Variants in BLVRA observed in about 807,000 individuals in gnomAD.
BLVRA encodes the protein biliverdin reductase A.
In BLVRA, 22 loss-of-function variants were observed where a neutral mutation model predicts 32.8. The ratio of observed to expected loss-of-function variants is 0.67; its 90% CI spans 0.48 to 0.96. BLVRA has a LOEUF of 0.96. BLVRA is among the 40% of genes least tolerant of loss of function. BLVRA has a pLI of 0.00. For missense variants in BLVRA, 323 were observed against 358.1 expected (o/e 0.90, Z 0.79); for synonymous variants, 119 against 141.3 (o/e 0.84, Z 1.12).
intron 2 of BLVRA, among the ~76,000 whole-genome samples, chr7:43,777,765 C>T (rs1199422089): frequency 6.6e-6 from 1 of 152,218 alleles, no homozygotes; most frequent in Non-Finnish European, 1.5e-5. Context: ...TTCTCCCCGT[C>T]ACTTTCAGGT....
At chr7:43,790,136 C>G (rs2095783739) in intron 3 of BLVRA, among the ~76,000 whole-genome samples, 1 of 152,034 alleles carries the variant, frequency 6.6e-6, no homozygotes, top group Non-Finnish European at 1.5e-5. Flanking sequence ...GGGCTGAGGG[C>G]CTTCTGCTTG....
At chr7:43,777,107 CTG>C (rs1167409126) in intron 2 of BLVRA, among the ~76,000 whole-genome samples, 48 of 150,396 alleles carry the variant, frequency 3.2e-4, no homozygotes, top group South Asian at 4.2e-4. Context: ...ATTTGCCAGT[CTG>C]TGTCTTTTAA....
rs192489238 is a variant in BLVRA, at chr7:43,768,298, T to C, written c.-21-2840T>C. The stretch of plus-strand genomic sequence containing the variant: ...AGCCTATGACCCGTTTGACCGTCGT[T>C]GTTGCTTGGGTAGTTCAGGACTGAC... On this transcript the variant is annotated intron_variant, in intron 1 of 7. Coordinates refer to ENST00000265523, the MANE Select transcript of BLVRA (RefSeq NM_000712.4). Among the ~76,000 whole-genome samples the C allele has an allele frequency of 2.4e-4, 37 of 152,272 alleles. 1 individual carries two copies. The South Asian group carries it at 3.9e-3, about 16-fold the overall frequency.
At chr7:43,801,204 C>T (rs2095798304) in intron 6 of BLVRA, among the ~76,000 whole-genome samples, 1 of 152,100 alleles carries the variant, frequency 6.6e-6, no homozygotes, top group Admixed American at 6.6e-5. Context: ...CCTATGTTGC[C>T]CAGCCTCATC....
chr7:43,801,319 T>C (rs1339056464), intron 6 of BLVRA, among the ~76,000 whole-genome samples: 2 of 152,202 alleles, frequency 1.3e-5, no homozygotes, highest in African/African-American at 2.4e-5. Context: ...GATCTGTATT[T>C]GTAGCTGTTT....
At chr7:43,775,451 T>G (rs969775237) in intron 2 of BLVRA, among the ~76,000 whole-genome samples, 8 of 152,388 alleles carry the variant, frequency 5.2e-5, no homozygotes, top group African/African-American at 1.9e-4. Flanking sequence ...GTTATTGATT[T>G]GCATATGTTG....
intron 5 of BLVRA, among the ~76,000 whole-genome samples, chr7:43,795,288 G>A (rs1030111340): frequency 6.6e-6 from 1 of 152,050 alleles, no homozygotes; most frequent in African/African-American, 2.4e-5. Context: ...GGCTGAGGCG[G>A]GCGAATCACC....
chr7:43,775,753 G>A (rs1489132939), intron 2 of BLVRA, among the ~76,000 whole-genome samples: 1 of 152,204 alleles, frequency 6.6e-6, no homozygotes, highest in Non-Finnish European at 1.5e-5. Flanking sequence ...GAATTTGGCT[G>A]TGAATCCATC....
chr7:43,782,994 G>A (rs984912757), intron 2 of BLVRA, among the ~76,000 whole-genome samples: 4 of 152,026 alleles, frequency 2.6e-5, no homozygotes, highest in African/African-American at 7.2e-5. Context: ...CAGGGCAGGG[G>A]CAGGGGCAGC....
At chr7:43,782,165 A>C (rs776683305) in intron 2 of BLVRA, among the ~76,000 whole-genome samples, 3 of 152,164 alleles carry the variant, frequency 2.0e-5, no homozygotes, top group Non-Finnish European at 4.4e-5. Context: ...ACTAATTATC[A>C]GTTGACTAAA....
chr7:43,765,383 C>T (rs953201130), intron 1 of BLVRA, among the ~76,000 whole-genome samples: 2 of 152,044 alleles, frequency 1.3e-5, no homozygotes, highest in African/African-American at 4.8e-5. Flanking sequence ...TCCCGAATAG[C>T]TGGTATTACA....
rs556555749 is a variant in BLVRA, at chr7:43,783,513, T to C, written c.13-4391T>C. Among the ~76,000 whole-genome samples the C allele has an allele frequency of 7.2e-5, 11 of 152,328 alleles. No homozygotes were observed. In the South Asian group the frequency reaches 2.1e-3, roughly 29 times the overall value. On this transcript the variant is annotated intron_variant, in intron 2 of 7. Coordinates refer to ENST00000265523, the MANE Select transcript of BLVRA (RefSeq NM_000712.4). ...TTATTTTTATATTGCCATGTAATAC[T>C]CTATATCACGAGTCTATCATAACTT...
At chr7:43,776,811 T>A (rs2095761554) in intron 2 of BLVRA, among the ~76,000 whole-genome samples, 1 of 152,228 alleles carries the variant, frequency 6.6e-6, no homozygotes, top group Admixed American at 6.5e-5. Context: ...ACTTGCTTTA[T>A]GAATCTGGGT....
chr7:43,779,678 G>A (rs1263973235), intron 2 of BLVRA, among the ~76,000 whole-genome samples: 1 of 152,048 alleles, frequency 6.6e-6, no homozygotes, highest in Non-Finnish European at 1.5e-5. Flanking sequence ...TAATTCTTAG[G>A]ATCTTTTAAG....
At chr7:43,795,827 C>T (rs1389020656) in intron 5 of BLVRA, among the ~76,000 whole-genome samples, 2 of 151,588 alleles carry the variant, frequency 1.3e-5, no homozygotes, top group African/African-American at 2.4e-5. Context: ...AAGAGTCGGC[C>T]GGGTGCAGTG....
At chr7:43,760,675 A>G (rs1185376009) in intron 1 of BLVRA, among the ~76,000 whole-genome samples, 1 of 151,846 alleles carries the variant, frequency 6.6e-6, no homozygotes, top group East Asian at 1.9e-4. Flanking sequence ...CCATTAATGG[A>G]CAGTGTATAC....
intron 1 of BLVRA, among the ~76,000 whole-genome samples, chr7:43,761,421 A>G (rs766856027): frequency 1.3e-5 from 2 of 152,240 alleles, no homozygotes; most frequent in Non-Finnish European, 2.9e-5. Flanking sequence ...TTATATTCCA[A>G]TAGCCACTCT....
chr7:43,794,055 C>G (rs1205570307), intron 5 of BLVRA, among the ~76,000 whole-genome samples: 1 of 151,754 alleles, frequency 6.6e-6, no homozygotes, highest in Non-Finnish European at 1.5e-5. Context: ...CCAGCCTGGG[C>G]AACATGGTGA....
intron 2 of BLVRA, among the ~76,000 whole-genome samples, chr7:43,782,271 G>T (rs1327789878): frequency 6.6e-6 from 1 of 152,174 alleles, no homozygotes; most frequent in Admixed American, 6.5e-5. Context: ...TCATATGACA[G>T]AAATTTTCAA....
Sources: allele counts gnomAD v4.1 joint callset (sites outside exome capture counted in the v4.1 genomes callset), GRCh38; gene constraint gnomAD v4.1.1; transcripts MANE v1.5; gene names NCBI Gene and HGNC (gene_info 2026-07-23, HGNC 2026-07-21).